The following DDX25 variants were observed in gnomAD, a reference collection of about 807,000 sequenced individuals.
The protein encoded by DDX25 is DEAD-box helicase 25.
DDX25 carries 70 observed loss-of-function variants against 64.6 expected under a neutral mutation model. That is an observed-to-expected ratio of 1.08 (90% confidence interval 0.89 to 1.32). DDX25 has a LOEUF of 1.32. Among genes scored for constraint, DDX25 ranks in the 40% most tolerant of loss-of-function variants. DDX25 has a pLI of 0.00. For missense variants in DDX25, 587 were observed against 604.4 expected (o/e 0.97, Z 0.30); for synonymous variants, 211 against 213.3 (o/e 0.99, Z 0.09).
At chr11:125,904,784 GA>G in intron 1 of DDX25, 2 of 656,842 alleles carry the variant, frequency 3.0e-6, no homozygotes, top group East Asian at 2.9e-5. Flanking sequence ...CCTTTGGTTA[GA>G]AAGGGCAAAA....
intron 8 of DDX25, among the ~76,000 whole-genome samples, chr11:125,913,549 A>G (rs540107498): frequency 1.1e-4 from 17 of 152,298 alleles, no homozygotes; most frequent in African/African-American, 4.1e-4. Flanking sequence ...TCAATATATA[A>G]TTAATATCCT....
intron 4 of DDX25, among the ~76,000 whole-genome samples, chr11:125,907,458 A>C (rs1383003987): frequency 6.6e-6 from 1 of 152,058 alleles, no homozygotes; most frequent in Non-Finnish European, 1.5e-5. Flanking sequence ...AATACAAAAA[A>C]TTAGCCAGGT....
At chr11:125,910,341 C>G (rs761785052) in intron 6 of DDX25, 23 bp from the exon 7 acceptor site, 1 of 1,601,972 alleles carries the variant, frequency 6.2e-7, no homozygotes, top group Admixed American at 1.7e-5. Context: ...TTTCTCCTCC[C>G]CTCTTCTCTC....
chr11:125,905,103 A>G, intron 1 of DDX25, 109 bp from the exon 2 acceptor site: 1 of 961,774 alleles, frequency 1.0e-6, no homozygotes. Flanking sequence ...AAAGGAAGCA[A>G]TACCCGGGTG....
chr11:125,906,246 T>A, intron 4 of DDX25, 37 bp downstream of exon 4: 1 of 1,514,568 alleles, frequency 6.6e-7, no homozygotes, highest in African/African-American at 1.4e-5. Flanking sequence ...GGAAAAATGC[T>A]GAAAACCACA....
intron 4 of DDX25, 131 bp downstream of exon 4, chr11:125,906,340 GAC>G (rs1944887159): frequency 8.2e-7 from 1 of 1,216,278 alleles, no homozygotes; most frequent in Non-Finnish European, 1.1e-6. Flanking sequence ...TGTTATTTGA[GAC>G]AGAGTCTCAC....
chr11:125,905,234 G>T lies in DDX25; in HGVS notation c.86G>T (p.Arg29Leu). The change falls in exon 2 of 12, where the codon CGG becomes CTG. Residue 29 changes from arginine (R) to leucine (L), a missense_variant. By Grantham distance (102) the Arg-to-Leu change is moderately radical (BLOSUM62 -2). Coordinates refer to ENST00000263576, the MANE Select transcript of DDX25 (RefSeq NM_013264.5). ...NSHFSNLSQPRKNLWGIKSTA... is the reference protein window; with the variant it reads ...NSHFSNLSQPLKNLWGIKSTA... Reference sequence around the variant, plus strand: ...TAGTTTTCAAACCTCAGCCAACCCCGGAAGAACCTTTGGGGTATTAAGAGT... The same window carrying T: ...TAGTTTTCAAACCTCAGCCAACCCCTGAAGAACCTTTGGGGTATTAAGAGT... The T allele has an allele frequency of 6.4e-7, 1 of 1,551,628 alleles. No homozygotes were observed. The highest frequency in any genetic ancestry group is 8.7e-7 in the Non-Finnish European group (1 of 1,146,980).
At chr11:125,907,436 G>C (rs539799852) in intron 4 of DDX25, among the ~76,000 whole-genome samples, 2 of 152,104 alleles carry the variant, frequency 1.3e-5, no homozygotes, top group South Asian at 2.1e-4. Context: ...GTGAAACCCC[G>C]TCTCTACTAA....
intron 8 of DDX25, among the ~76,000 whole-genome samples, chr11:125,915,217 T>C (rs1945021713): frequency 2.0e-5 from 3 of 152,216 alleles, no homozygotes; most frequent in Non-Finnish European, 4.4e-5. Flanking sequence ...ATTGTTATAG[T>C]CTTCCTTCCA....
At position 125,926,808 on chromosome 11, in the gene DDX25, A is replaced by C. The variant is rs531994119; in HGVS notation, c.*3927A>C. The C allele has an allele frequency of 6.6e-6, 1 of 152,320 alleles. No homozygotes were observed. The highest frequency in any genetic ancestry group is 1.5e-5 in the Non-Finnish European group (1 of 68,068). 9.4% of individuals were successfully genotyped at this position (152,320 alleles called of 1,614,324 possible). The stretch of plus-strand genomic sequence containing the variant: ...GTGATCCACACGCCTTGGCTTCCCA[A>C]AGTGCTGGGATTACAGGCATCAGCC... On this transcript the variant is annotated 3_prime_UTR_variant, in exon 12 of 12. Coordinates refer to ENST00000263576, the MANE Select transcript of DDX25 (RefSeq NM_013264.5).
intron 8 of DDX25, among the ~76,000 whole-genome samples, chr11:125,914,477 T>G (rs186116517): frequency 2.0e-5 from 3 of 152,328 alleles, no homozygotes; most frequent in African/African-American, 7.2e-5. Flanking sequence ...CACTTTCTAC[T>G]AAGGCTTGTA....
At position 125,909,029 on chromosome 11, in the gene DDX25, T is replaced by G. The variant is rs1460957607; in HGVS notation, c.507+526T>G. 3.3e-5 allele frequency among the ~76,000 whole-genome samples: 5 copies of G among 152,216 alleles called. No individual in the cohort carries two copies. The East Asian group carries it at 7.7e-4, about 23-fold the overall frequency. On this transcript the variant is annotated intron_variant, in intron 6 of 11. Coordinates refer to ENST00000263576, the MANE Select transcript of DDX25 (RefSeq NM_013264.5). Reference sequence around the variant, plus strand: ...TCACTCTAGCAGAGGAGGAGGCTGATGCTTGGAGAGGGAAGTGTCTTTCTT... The same window carrying G: ...TCACTCTAGCAGAGGAGGAGGCTGAGGCTTGGAGAGGGAAGTGTCTTTCTT...
rs781072940 is a variant in DDX25 at position 125,921,314 on chromosome 11, G to C, written c.1325G>C (p.Gly442Ala). Residue 442 changes from glycine (G) to alanine (A), a missense_variant, in exon 11 of 12, where the codon GGC becomes GCC. Transcript: ENST00000263576. The surrounding 1 kb of genome is among the most constrained non-coding windows in gnomAD (Gnocchi z 4.1). ...CGGACGGGGCGCTTTGGGAAAAAAGGCCTTGCCTTCAACATGATTGAAGTA... is the reference window on the plus strand; with the variant it reads ...CGGACGGGGCGCTTTGGGAAAAAAGCCCTTGCCTTCAACATGATTGAAGTA... The part of the protein sequence containing the change: ...IGRTGRFGKK[G>A]LAFNMIEVDE... 9.9e-6 allele frequency: 16 copies of C among 1,613,806 alleles called. No homozygotes were observed. Among genetic ancestry groups the C allele is most frequent in the Non-Finnish European group, 1.3e-5 (15 of 1,179,868 alleles).
rs1282548879 is a variant in DDX25, at chr11:125,924,425, T to C, written c.*1544T>C. 1 of 152,200 alleles carries C rather than the reference T, an allele frequency of 6.6e-6. No homozygotes were observed. The allele number at this position is 152,200 out of a possible 1,614,324, so 9.4% of individuals were successfully genotyped here. A position where few individuals can be genotyped will look rare whatever the true frequency, so the allele number is the denominator to read the frequency against. On this transcript the variant is annotated 3_prime_UTR_variant, in exon 12 of 12. Transcript: ENST00000263576. Reference sequence around the variant, plus strand: ...AGAATAAGCCAGCATGATAACAGACTGTGCTAAAGCAAGCGGGCCCAGATC... The same window carrying C: ...AGAATAAGCCAGCATGATAACAGACCGTGCTAAAGCAAGCGGGCCCAGATC...
intron 3 of DDX25, 124 bp from the exon 4 acceptor site, chr11:125,905,950 T>A: frequency 3.2e-6 from 4 of 1,262,602 alleles, no homozygotes; most frequent in Non-Finnish European, 3.2e-6. Context: ...TCTGGAACCC[T>A]CTTTTAGAGG....
chr11:125,921,040 C>G lies in DDX25; in HGVS notation c.1202-151C>G, dbSNP rs537420619. The G allele has an allele frequency of 1.3e-6, 1 of 748,156 alleles. No homozygotes were observed. Among genetic ancestry groups the G allele is most frequent in the East Asian group, 2.7e-5 (1 of 36,740 alleles). The allele number at this position is 748,156 out of a possible 1,614,324, so 46.3% of individuals were successfully genotyped here. On this transcript the variant is annotated intron_variant, in intron 10 of 11. Coordinates refer to ENST00000263576, the MANE Select transcript of DDX25 (RefSeq NM_013264.5). This position sits in a 1 kb window ranked among gnomAD's most constrained non-coding sequence, Gnocchi z 4.1. ...ACATCACAGCATGCAAGCAAACTTCCTAACCAAAGTACCTGTCTCAATTAC... is the reference window on the plus strand; with the variant it reads ...ACATCACAGCATGCAAGCAAACTTCGTAACCAAAGTACCTGTCTCAATTAC...
At chr11:125,904,616 G>T (rs1456585269) in intron 1 of DDX25, 36 bp downstream of exon 1, 6 of 1,431,172 alleles carry the variant, frequency 4.2e-6, no homozygotes, top group Non-Finnish European at 4.6e-6. Context: ...ACAGCCGCGG[G>T]GGTGGAGCTC....
intron 11 of DDX25, chr11:125,922,327 A>C (rs775004790): frequency 1.3e-5 from 2 of 152,974 alleles, no homozygotes; most frequent in Non-Finnish European, 2.9e-5. Flanking sequence ...TGTAGAAAGC[A>C]ATAAGCGCTG....
chr11:125,913,593 T>A (rs758505021), intron 8 of DDX25, among the ~76,000 whole-genome samples: 14 of 152,310 alleles, frequency 9.2e-5, no homozygotes, highest in Non-Finnish European at 1.8e-4. Flanking sequence ...AAGTTTAATG[T>A]CACCCTGATC....
Sources: gnomAD v4.1 joint callset for allele counts (sites outside exome capture counted in the v4.1 genomes callset) on GRCh38, gnomAD v4.1.1 for gene constraint, Gnocchi (gnomAD v3.1) non-coding constraint, MANE v1.5 for transcripts, NCBI Gene and HGNC (gene_info 2026-07-23, HGNC 2026-07-21) for gene names.